SMARCA4: variants seen among roughly 807,000 people sequenced by gnomAD.
The protein encoded by SMARCA4 is SWI/SNF related BAF chromatin remodeling complex subunit ATPase 4, also known as SWI/SNF-related matrix-associated actin-dependent regulator of chromatin subfamily A member 4.
A neutral mutation model predicts 193.9 loss-of-function variants in SMARCA4; 31 were observed. The observed-to-expected ratio is 0.16, with a 90% CI of 0.12 to 0.22. The LOEUF (loss-of-function observed/expected upper bound fraction) is 0.22. Among genes scored for constraint, SMARCA4 ranks in the 10% least tolerant of loss-of-function variants. The pLI, the probability that SMARCA4 is intolerant of heterozygous loss-of-function variation, is 1.00. For missense variants in SMARCA4, 1,148 were observed against 2,296.0 expected (o/e 0.50, Z 10.22); for synonymous variants, 942 against 933.1 (o/e 1.01, Z -0.17).
At chr19:10,982,660 C>T (rs1035718222) in intron 1 of SMARCA4, among the ~76,000 whole-genome samples, 4 of 151,924 alleles carry the variant, frequency 2.6e-5, no homozygotes, top group Non-Finnish European at 4.4e-5. Context: ...CCACCATGCC[C>T]GGCTAAGCTT....
intron 7 of SMARCA4, 142 bp from the exon 8 acceptor site, chr19:10,991,008 T>A: frequency 1.5e-6 from 2 of 1,373,352 alleles, no homozygotes; most frequent in Non-Finnish European, 2.0e-6. Flanking sequence ...CTGCTAGACG[T>A]CCCCTGCACA....
In SMARCA4 at chr19:10,994,839, T is replaced by C. The variant is rs997330938; in HGVS notation, c.1431T>C (p.Asn477=). Residue 477 remains asparagine, a synonymous_variant, in exon 9 of 35, where the codon AAT becomes AAC. Transcript: ENST00000344626. ...GTGCTTTCCTGCAGGAATACCTCAA[T>C]AGCATTCTCCAGCATGCCAAGGATT... is the stretch of plus-strand genomic sequence containing the variant. The part of the protein sequence containing the change: ...KRRQKHQEYL[N]SILQHAKDFK... The C allele has an allele frequency of 1.9e-6, 3 of 1,614,030 alleles. No homozygotes were observed. Among genetic ancestry groups the C allele is most frequent in the South Asian group, 1.1e-5 (1 of 91,090 alleles).
At chr19:10,981,264 G>A (rs1030635638) in intron 1 of SMARCA4, among the ~76,000 whole-genome samples, 1 of 152,226 alleles carries the variant, frequency 6.6e-6, no homozygotes, top group African/African-American at 2.4e-5. Context: ...CCCTGGCCGT[G>A]CCCACGTTGC....
At chr19:10,970,356 G>C (rs1299388274) in intron 1 of SMARCA4, among the ~76,000 whole-genome samples, 1 of 152,216 alleles carries the variant, frequency 6.6e-6, no homozygotes, top group Non-Finnish European at 1.5e-5. Context: ...ATTTATAGGT[G>C]GCTGGGCAGA....
rs958194131 is a variant in SMARCA4, at chr19:10,984,983, C to CT, written c.223-289dup. On this transcript the variant is annotated intron_variant, in intron 2 of 34. Transcript: ENST00000344626. This position sits in a 1 kb window ranked among gnomAD's most constrained non-coding sequence, Gnocchi z 4.3. Reference sequence around the variant, plus strand: ...GCATCCATGAGAAAAGGTGACATTTCTAAGTGTCACGGGCCACAGGAGGTC... The same window carrying CT: ...GCATCCATGAGAAAAGGTGACATTTCTTAAGTGTCACGGGCCACAGGAGGTC... Among the ~76,000 whole-genome samples, 22 of 152,190 alleles carry CT rather than the reference C, an allele frequency of 1.4e-4. No homozygotes were observed. Among genetic ancestry groups the CT allele is most frequent in the African/African-American group, 5.3e-4 (22 of 41,456 alleles).
At chr19:10,971,474 CTA>C (rs1368487484) in intron 1 of SMARCA4, among the ~76,000 whole-genome samples, 1 of 151,016 alleles carries the variant, frequency 6.6e-6, no homozygotes, top group Non-Finnish European at 1.5e-5. Flanking sequence ...CTTCCACCCT[CTA>C]TGTGACATTG....
intron 18 of SMARCA4, chr19:11,021,321 G>A (rs2089847701): frequency 5.6e-6 from 2 of 356,352 alleles, no homozygotes; most frequent in Non-Finnish European, 1.1e-5. Flanking sequence ...GAAATGTACC[G>A]TCACCAACCC....
intron 23 of SMARCA4, 23 bp from the exon 24 acceptor site, chr19:11,027,761 C>T (rs547162034): frequency 1.2e-6 from 2 of 1,613,804 alleles, no homozygotes; most frequent in South Asian, 1.1e-5. Context: ...TGCGCCTTCT[C>T]TCCTGCCTCC....
At chr19:11,045,258 TGCAGTGAGCCGAGACC>T (rs1477673693) in intron 30 of SMARCA4, among the ~76,000 whole-genome samples, 6 of 152,048 alleles carry the variant, frequency 3.9e-5, no homozygotes, top group Non-Finnish European at 8.8e-5. Flanking sequence ...AGGCGGAGCT[TGCAGTGAGCCGAGACC>T]GCGCCACGGC....
chr19:11,025,392 C>T, intron 21 of SMARCA4, 30 bp from the exon 22 acceptor site: 6 of 1,543,292 alleles, frequency 3.9e-6, no homozygotes, highest in Non-Finnish European at 5.4e-6. Flanking sequence ...GGGCAAGACC[C>T]CATTTGGGTC....
chr19:11,028,010 G>T (rs1401313963), intron 24 of SMARCA4, 60 bp downstream of exon 24: 5 of 1,561,142 alleles, frequency 3.2e-6, no homozygotes, highest in Non-Finnish European at 4.4e-6. Flanking sequence ...TGCCACAGAA[G>T]CTCCTCACTG....
rs878854217 is a variant in SMARCA4 at position 11,034,928 on chromosome 19, C to T, written c.3966C>T (p.Asp1322=). 3 of 1,569,284 alleles carry T rather than the reference C, an allele frequency of 1.9e-6. No individual in the cohort carries two copies. Among genetic ancestry groups the T allele is most frequent in the Non-Finnish European group, 2.6e-6 (3 of 1,158,650 alleles). ...CTGCCCACCAGCGCATGGACCTGGACCGCAGGCGCGAGGAGGCCCGCAACC... is the reference window on the plus strand; with the variant it reads ...CTGCCCACCAGCGCATGGACCTGGATCGCAGGCGCGAGGAGGCCCGCAACC... The part of the protein sequence containing the change: ...EFDLFMRMDL[D]RRREEARNPK... The change falls in exon 29 of 35, where the codon GAC becomes GAT. Residue 1322 remains aspartate (D), a synonymous_variant. Coordinates refer to ENST00000344626, the MANE Select transcript of SMARCA4 (RefSeq NM_003072.5). The surrounding 1 kb of genome is among the most constrained non-coding windows in gnomAD (Gnocchi z 7.0).
At chr19:11,054,325 C>T (rs771845096) in intron 30 of SMARCA4, among the ~76,000 whole-genome samples, 2 of 152,218 alleles carry the variant, frequency 1.3e-5, no homozygotes, top group African/African-American at 2.4e-5. Context: ...GTGCCCACCT[C>T]GGGACCTGCT....
chr19:10,989,291 C>T (rs757648771), intron 6 of SMARCA4, 26 bp from the exon 7 acceptor site: 4 of 1,613,616 alleles, frequency 2.5e-6, no homozygotes, highest in Non-Finnish European at 2.5e-6. Flanking sequence ...CCTCTCACCG[C>T]CTTTGCTCCT....
At chr19:11,055,975 G>T (rs116938748) in intron 30 of SMARCA4, among the ~76,000 whole-genome samples, 2,551 of 152,284 alleles carry the variant, frequency 0.017, 37 homozygotes, top group Middle Eastern at 0.027. Context: ...TGTTGCCCCT[G>T]CCTGTGCTGC....
At chr19:11,052,248 T>C (rs1262096079) in intron 30 of SMARCA4, among the ~76,000 whole-genome samples, 1 of 151,936 alleles carries the variant, frequency 6.6e-6, no homozygotes, top group Non-Finnish European at 1.5e-5. Flanking sequence ...TAAAATAAAG[T>C]CAGGAAATAG....
intron 24 of SMARCA4, among the ~76,000 whole-genome samples, chr19:11,028,320 C>T (rs2090408119): frequency 6.6e-6 from 1 of 152,252 alleles, no homozygotes; most frequent in African/African-American, 2.4e-5. Flanking sequence ...ATCCTTCAGG[C>T]ACAGCTGGAT....
intron 13 of SMARCA4, among the ~76,000 whole-genome samples, chr19:11,006,268 T>C (rs2088190601): frequency 6.6e-6 from 1 of 152,254 alleles, no homozygotes; most frequent in Non-Finnish European, 1.5e-5. Flanking sequence ...ATATGTGTTA[T>C]GCAAAATCGC....
At position 10,996,205 on chromosome 19, in the gene SMARCA4, T is replaced by C. The variant is rs753174460; in HGVS notation, c.1594-8T>C. 29 of 1,614,050 alleles carry C rather than the reference T, an allele frequency of 1.8e-5. No individual in the cohort carries two copies. Among genetic ancestry groups the C allele is most frequent in the Non-Finnish European group, 1.9e-5 (23 of 1,179,930 alleles). ...CACCACATTGCAGTAACCCCCATGC[T>C]TTTGTAGGCTGAAGATGAGGAGGGG... On this transcript the variant is annotated splice_region_variant and splice_polypyrimidine_tract_variant and intron_variant, in intron 9 of 34. Transcript: ENST00000344626.
Sources: gnomAD v4.1 joint callset for allele counts (sites outside exome capture counted in the v4.1 genomes callset) on GRCh38, gnomAD v4.1.1 for gene constraint, Gnocchi (gnomAD v3.1) non-coding constraint, MANE v1.5 for transcripts, NCBI Gene and HGNC (gene_info 2026-07-23, HGNC 2026-07-21) for gene names.